The following POU6F2 variants were observed in gnomAD, a reference collection of about 807,000 sequenced individuals.
POU6F2 encodes the protein POU class 6 homeobox 2, also known as POU domain, class 6, transcription factor 2.
POU6F2 carries 31 observed loss-of-function variants against 71.3 expected under a neutral mutation model. The ratio of observed to expected loss-of-function variants is 0.43; its 90% CI spans 0.33 to 0.59. The LOEUF is 0.59. Among genes scored for constraint, POU6F2 ranks in the 20% least tolerant of loss-of-function variants. The pLI, the probability that POU6F2 is intolerant of heterozygous loss-of-function variation, is 0.04. For synonymous variants in POU6F2, 347 were observed against 355.7 expected, an observed-to-expected ratio of 0.98 and a Z score of 0.27; for missense variants, 783 against 856.8, an observed-to-expected ratio of 0.91 and a Z score of 1.07.
At chr7:39,006,623 G>C (rs1393771706) in intron 1 of POU6F2, 1 of 522,114 alleles carries the variant, frequency 1.9e-6, no homozygotes. Context: ...CGGAAGATCT[G>C]TGGCTAAGTC....
At chr7:39,033,788 C>A (rs1790001331) in intron 1 of POU6F2, among the ~76,000 whole-genome samples, 1 of 152,170 alleles carries the variant, frequency 6.6e-6, no homozygotes, top group Admixed American at 6.5e-5. Context: ...ATCTTTCATA[C>A]ATTTATAGAG....
chr7:39,265,429 C>T (rs1348308772), intron 4 of POU6F2, among the ~76,000 whole-genome samples: 4 of 152,184 alleles, frequency 2.6e-5, no homozygotes, highest in African/African-American at 9.7e-5. Flanking sequence ...ACCTAACCCA[C>T]ATTATTATTA....
chr7:39,143,308 A>G (rs1232712996), intron 2 of POU6F2, among the ~76,000 whole-genome samples: 1 of 152,118 alleles, frequency 6.6e-6, no homozygotes, highest in Non-Finnish European at 1.5e-5. Flanking sequence ...AAGGCAAGAA[A>G]CCGAGTTCCG....
intron 4 of POU6F2, among the ~76,000 whole-genome samples, chr7:39,314,721 A>G (rs1000333042): frequency 6.6e-5 from 10 of 152,220 alleles, no homozygotes; most frequent in African/African-American, 1.4e-4. Context: ...ACCGAAATTA[A>G]TCACACTTTG....
At chr7:39,003,947 C>A (rs996261107) in intron 1 of POU6F2, among the ~76,000 whole-genome samples, 1 of 151,910 alleles carries the variant, frequency 6.6e-6, no homozygotes, top group Non-Finnish European at 1.5e-5. Context: ...AAAGAAATAA[C>A]CAAACTTTCG....
At chr7:39,310,784 C>T (rs1477316590) in intron 4 of POU6F2, among the ~76,000 whole-genome samples, 1 of 152,180 alleles carries the variant, frequency 6.6e-6, no homozygotes, top group East Asian at 1.9e-4. Context: ...GGGGAGGCTG[C>T]GACCCAGCGG....
At chr7:39,417,054 G>A (rs530103460) in intron 6 of POU6F2, among the ~76,000 whole-genome samples, 29 of 152,212 alleles carry the variant, frequency 1.9e-4, no homozygotes, top group African/African-American at 6.3e-4. Flanking sequence ...GAAGGAGGGT[G>A]GACAAGAAAA....
At chr7:39,139,226 AT>A (rs1216589252) in intron 2 of POU6F2, among the ~76,000 whole-genome samples, 5 of 152,150 alleles carry the variant, frequency 3.3e-5, no homozygotes, top group African/African-American at 1.2e-4. Context: ...TAGTTTCCAG[AT>A]TATTGAGGCA....
intron 2 of POU6F2, among the ~76,000 whole-genome samples, chr7:39,102,623 A>T (rs867730302): frequency 3.6e-4 from 54 of 151,446 alleles, no homozygotes; most frequent in Middle Eastern, 3.5e-3. Flanking sequence ...GACAGAGGTA[A>T]ATATATATAT....
chr7:39,415,256 C>T (rs542770135), intron 6 of POU6F2, among the ~76,000 whole-genome samples: 1 of 152,340 alleles, frequency 6.6e-6, no homozygotes, highest in South Asian at 2.1e-4. Context: ...CTTCTGACCT[C>T]AGGCGATCCA....
At chr7:39,385,986 C>T (rs957821548) in intron 5 of POU6F2, among the ~76,000 whole-genome samples, 3 of 151,882 alleles carry the variant, frequency 2.0e-5, no homozygotes, top group Admixed American at 6.6e-5. Context: ...GGTGTGGTGG[C>T]GGGCGCCTAT....
At chr7:39,225,104 A>T (rs1794436585) in intron 4 of POU6F2, among the ~76,000 whole-genome samples, 1 of 152,198 alleles carries the variant, frequency 6.6e-6, no homozygotes, top group South Asian at 2.1e-4. Context: ...AATTTCATAG[A>T]CTCTTGGGAG....
chr7:39,103,715 G>A (rs1021839340), intron 2 of POU6F2, among the ~76,000 whole-genome samples: 3 of 152,090 alleles, frequency 2.0e-5, no homozygotes, highest in Admixed American at 2.0e-4. Context: ...AGTAAGCCAG[G>A]GTAGTTTTGT....
chr7:39,047,920 AT>A (rs1168653153), intron 1 of POU6F2, among the ~76,000 whole-genome samples: 1 of 151,916 alleles, frequency 6.6e-6, no homozygotes, highest in African/African-American at 2.4e-5. Context: ...TGGTTTGCTA[AT>A]TTTTTAAAAG....
At chr7:39,325,761 T>G (rs1053839458) in intron 4 of POU6F2, among the ~76,000 whole-genome samples, 1 of 152,238 alleles carries the variant, frequency 6.6e-6, no homozygotes, top group Non-Finnish European at 1.5e-5. Flanking sequence ...CCAGGCACAG[T>G]AGCCATTGAA....
chr7:39,340,413 C>T (rs187369572), intron 5 of POU6F2, among the ~76,000 whole-genome samples: 38 of 152,278 alleles, frequency 2.5e-4, no homozygotes, highest in Non-Finnish European at 5.9e-5. Flanking sequence ...GTCCATGAGG[C>T]ATGGTGGTTA....
chr7:39,284,329 C>T (rs1287131244), intron 4 of POU6F2, among the ~76,000 whole-genome samples: 1 of 152,162 alleles, frequency 6.6e-6, no homozygotes, highest in African/African-American at 2.4e-5. Flanking sequence ...CTCCTGTGAG[C>T]TCTGGCTTTC....
At chr7:39,060,269 G>A (rs1416224215) in intron 1 of POU6F2, among the ~76,000 whole-genome samples, 1 of 151,930 alleles carries the variant, frequency 6.6e-6, no homozygotes, top group African/African-American at 2.4e-5. Context: ...ATTCATATGA[G>A]ATGTCCAGAA....
chr7:39,139,182 T>C (rs942120492), intron 2 of POU6F2, among the ~76,000 whole-genome samples: 1 of 152,204 alleles, frequency 6.6e-6, no homozygotes, highest in Non-Finnish European at 1.5e-5. Flanking sequence ...TCCCTAGCAG[T>C]TGCTGAAAGG....
Sources: allele counts gnomAD v4.1 joint callset (sites outside exome capture counted in the v4.1 genomes callset), GRCh38; gene constraint gnomAD v4.1.1; transcripts MANE v1.5; gene names NCBI Gene and HGNC (gene_info 2026-07-23, HGNC 2026-07-21).